The following KIF3B variants were observed in gnomAD, a reference collection of about 807,000 sequenced individuals.
The protein encoded by KIF3B is kinesin-like protein KIF3B.
In KIF3B, 38 loss-of-function variants were observed where a neutral mutation model predicts 74.3. That is an observed-to-expected ratio of 0.51 (90% CI 0.39 to 0.67). KIF3B has a LOEUF of 0.67. Among genes scored for constraint, KIF3B ranks in the 30% least tolerant of loss-of-function variants. The pLI, the probability that KIF3B is intolerant of heterozygous loss-of-function variation, is 0.00. For synonymous variants in KIF3B, 326 were observed against 342.5 expected (o/e 0.95, Z 0.53); for missense variants, 649 against 932.0 (o/e 0.70, Z 3.95).
chr20:32,291,448 C>G (rs1434141726), intron 1 of KIF3B, among the ~76,000 whole-genome samples: 1 of 151,986 alleles, frequency 6.6e-6, no homozygotes, highest in Non-Finnish European at 1.5e-5. Flanking sequence ...CCATGCACCC[C>G]ACCCCTGAAA....
chr20:32,295,290 G>A (rs779156491), intron 1 of KIF3B, among the ~76,000 whole-genome samples: 19 of 150,992 alleles, frequency 1.3e-4, no homozygotes, highest in Non-Finnish European at 2.1e-4. Flanking sequence ...GACGCCCCCC[G>A]CCCCCTTTTT....
In KIF3B at chr20:32,333,095, T is replaced by G. The variant is rs1284619664; in HGVS notation, c.*1776T>G. 1 of 152,540 alleles carries G rather than the reference T, an allele frequency of 6.6e-6. No individual in the cohort carries two copies. The highest frequency in any genetic ancestry group is 2.4e-5 in the African/African-American group (1 of 41,448). 9.4% of individuals were successfully genotyped at this position (152,540 alleles called of 1,614,324 possible). On this transcript the variant is annotated 3_prime_UTR_variant, in exon 9 of 9. Coordinates refer to ENST00000375712, the MANE Select transcript of KIF3B (RefSeq NM_004798.4). ...TGTTGTCCAGCGGCTTATCTCCTTTTTAGTAACCCTTCTTTCTGAACCCAG... is the reference window on the plus strand; with the variant it reads ...TGTTGTCCAGCGGCTTATCTCCTTTGTAGTAACCCTTCTTTCTGAACCCAG...
At position 32,311,154 on chromosome 20, in the gene KIF3B, T is replaced by C. The variant is rs763664853; in HGVS notation, c.1377T>C (p.Ala459=). ...AGGACCTGCGGCGGGAGAAGGATGC[T>C]GCCGAGATGCTGGGCGCCAAGATCA... ...KMEDLRREKD[A]AEMLGAKIKA... is the part of the protein sequence containing the mutation. The change falls in exon 2 of 9, where the codon GCT becomes GCC. Residue 459 remains alanine (A), a synonymous_variant. Coordinates refer to ENST00000375712, the MANE Select transcript of KIF3B (RefSeq NM_004798.4). 3.7e-6 allele frequency: 6 copies of C among 1,611,198 alleles called. No individual in the cohort carries two copies. Among genetic ancestry groups the C allele is most frequent in the African/African-American group, 1.3e-5 (1 of 74,918 alleles).
At chr20:32,278,268 G>A (rs1249570516) in intron 1 of KIF3B, among the ~76,000 whole-genome samples, 1 of 152,118 alleles carries the variant, frequency 6.6e-6, no homozygotes, top group Admixed American at 6.5e-5. Context: ...CAAGAGGGCA[G>A]TTTGAAGTCT....
At chr20:32,330,739 C>G (rs1349326745) in intron 8 of KIF3B, among the ~76,000 whole-genome samples, 13 of 152,174 alleles carry the variant, frequency 8.5e-5, no homozygotes, top group Non-Finnish European at 1.9e-4. Context: ...CTAAGGAAAC[C>G]CAGCAAGTAA....
At chr20:32,285,839 A>G (rs1318844144) in intron 1 of KIF3B, among the ~76,000 whole-genome samples, 1 of 152,142 alleles carries the variant, frequency 6.6e-6, no homozygotes, top group Non-Finnish European at 1.5e-5. Flanking sequence ...GTCAGAGAGC[A>G]TTACAATCAG....
At chr20:32,300,798 A>G (rs1372878977) in intron 1 of KIF3B, among the ~76,000 whole-genome samples, 1 of 152,106 alleles carries the variant, frequency 6.6e-6, no homozygotes, top group African/African-American at 2.4e-5. Context: ...AAAGCTTTTT[A>G]CTAGGATATA....
intron 1 of KIF3B, among the ~76,000 whole-genome samples, chr20:32,303,767 A>G (rs1212354762): frequency 1.3e-5 from 2 of 151,208 alleles, no homozygotes; most frequent in African/African-American, 4.9e-5. Flanking sequence ...AGGCAGGATA[A>G]TTGCTTGAAC....
rs1162186586 is a variant in KIF3B, at chr20:32,322,636, A to T, written c.1749-4135A>T. The stretch of plus-strand genomic sequence containing the variant: ...AAAAAAATTTTATATATTTATATAT[A>T]TTTATATATATATTTTTATATATTT... On this transcript the variant is annotated intron_variant, in intron 5 of 8. Coordinates refer to ENST00000375712, the MANE Select transcript of KIF3B (RefSeq NM_004798.4). Among the ~76,000 whole-genome samples the T allele has an allele frequency of 6.1e-5, 6 of 98,118 alleles. No homozygotes were observed. The East Asian group carries it at 1.8e-3, about 30-fold the overall frequency. The allele number at this position is 98,118 out of a possible 152,430, so 64.4% of individuals were successfully genotyped here. A position where few individuals can be genotyped will look rare whatever the true frequency, so the allele number is the denominator to read the frequency against.
intron 5 of KIF3B, among the ~76,000 whole-genome samples, chr20:32,324,349 G>A (rs2047892369): frequency 6.6e-6 from 1 of 152,118 alleles, no homozygotes; most frequent in South Asian, 2.1e-4. Context: ...AACTTTAGCA[G>A]GCATCAGAAT....
Position 32,327,642 on chromosome 20 carries a change from G to A in KIF3B, c.1949G>A (p.Arg650His), listed in dbSNP as rs747968183. The A allele has an allele frequency of 5.6e-6, 9 of 1,612,942 alleles. No homozygotes were observed. The highest frequency in any genetic ancestry group is 2.2e-5 in the East Asian group (1 of 44,858). The change falls in exon 7 of 9, where the codon CGT (arginine) becomes CAT (histidine). Residue 650 changes from arginine to histidine, a missense_variant. By Grantham distance (29) the Arg-to-His change is conservative. Transcript: ENST00000375712. ...CACGCAAGAATGTCCATGATGATTCGTCCAGAGGCCCGATATAGGGTGAGA... is the reference window on the plus strand; with the variant it reads ...CACGCAAGAATGTCCATGATGATTCATCCAGAGGCCCGATATAGGGTGAGA... ...SQHARMSMMIRPEARYRAENI... is the reference protein window; with the variant it reads ...SQHARMSMMIHPEARYRAENI...
intron 5 of KIF3B, among the ~76,000 whole-genome samples, chr20:32,322,810 ATTTATATATATTTATATGTATATT>A (rs2047874392): frequency 1.5e-5 from 1 of 66,056 alleles, no homozygotes; most frequent in African/African-American, 6.3e-5. Flanking sequence ...ATTTATATAT[ATTTATATATATTTATATGTATATT>A]TTTATATATT....
At chr20:32,306,203 GCC>G (rs1280637384) in intron 1 of KIF3B, among the ~76,000 whole-genome samples, 2 of 151,450 alleles carry the variant, frequency 1.3e-5, no homozygotes, top group Non-Finnish European at 2.9e-5. Flanking sequence ...GACCATCCTG[GCC>G]AACATGGTGA....
In KIF3B at chr20:32,334,352, A is replaced by G. The variant is rs189052175; in HGVS notation, c.*3033A>G. Reference sequence around the variant, plus strand: ...CGTCCAATGCCTGCATGCTGCTTGAATTGCTCCACCCACACCTCCATGACC... The same window carrying G: ...CGTCCAATGCCTGCATGCTGCTTGAGTTGCTCCACCCACACCTCCATGACC... On this transcript the variant is annotated 3_prime_UTR_variant, in exon 9 of 9. Transcript: ENST00000375712. 1 of 152,726 alleles carries G rather than the reference A, an allele frequency of 6.5e-6. No homozygotes were observed. Among genetic ancestry groups the G allele is most frequent in the East Asian group, 1.9e-4 (1 of 5,168 alleles). The allele number at this position is 152,726 out of a possible 1,614,324, so 9.5% of individuals were successfully genotyped here.
At chr20:32,328,919 T>C (rs1243745273) in intron 7 of KIF3B, among the ~76,000 whole-genome samples, 3 of 152,062 alleles carry the variant, frequency 2.0e-5, no homozygotes, top group Non-Finnish European at 2.9e-5. Context: ...ATTAATTAAT[T>C]TGTTTTGAGA....
chr20:32,327,504 G>T, intron 6 of KIF3B, 52 bp from the exon 7 acceptor site: 1 of 1,475,970 alleles, frequency 6.8e-7, no homozygotes, highest in African/African-American at 1.4e-5. Flanking sequence ...TCTTCCGAGT[G>T]CTGGTTCCAC....
Position 32,277,745 on chromosome 20 carries a change from C to A in KIF3B, c.-86C>A. On this transcript the variant is annotated 5_prime_UTR_variant, in exon 1 of 9. Transcript: ENST00000375712. ...CGCCGCCGCCGCCGCCGCCGCCGCC[C>A]GCTTTCGGCTCGGGCCTCAGGTGAG... 3.8e-6 allele frequency: 1 copy of A among 260,808 alleles called. No homozygotes were observed. The allele number at this position is 260,808 out of a possible 1,614,324, so 16.2% of individuals were successfully genotyped here. A position where few individuals can be genotyped will look rare whatever the true frequency, so the allele number is the denominator to read the frequency against.
chr20:32,303,216 A>C (rs1304442426), intron 1 of KIF3B, among the ~76,000 whole-genome samples: 1 of 152,080 alleles, frequency 6.6e-6, no homozygotes, highest in Non-Finnish European at 1.5e-5. Context: ...AGGTATTTAG[A>C]TCTCAATTTA....
intron 1 of KIF3B, among the ~76,000 whole-genome samples, chr20:32,308,337 C>T (rs1002942874): frequency 2.9e-4 from 44 of 152,192 alleles, no homozygotes; most frequent in Non-Finnish European, 5.6e-4. Context: ...AATCCTTCTT[C>T]CTCAGCCTCC....
Sources: allele counts gnomAD v4.1 joint callset (sites outside exome capture counted in the v4.1 genomes callset), GRCh38; gene constraint gnomAD v4.1.1; transcripts MANE v1.5; gene names NCBI Gene and HGNC (gene_info 2026-07-23, HGNC 2026-07-21).